ZNF618: variants seen among roughly 807,000 people sequenced by gnomAD.
The protein encoded by ZNF618 is neural precursor cell expressed, developmentally down-regulated 10.
ZNF618 carries 34 observed loss-of-function variants against 103.0 expected under a neutral mutation model. The ratio of observed to expected loss-of-function variants is 0.33; its 90% CI spans 0.25 to 0.44. The LOEUF (loss-of-function observed/expected upper bound fraction) is 0.44, where lower values mean the gene tolerates loss of function less well. Ranked by LOEUF, ZNF618 falls within the 20% of genes least tolerant of loss-of-function variation. ZNF618 has a pLI of 1.00. For missense variants in ZNF618, 1,059 were observed against 1,295.4 expected, an observed-to-expected ratio of 0.82 and a Z score of 2.80; for synonymous variants, 551 against 542.2, an observed-to-expected ratio of 1.02 and a Z score of -0.23.
chr9:113,984,754 A>G (rs1839303063), intron 2 of ZNF618, among the ~76,000 whole-genome samples: 1 of 152,194 alleles, frequency 6.6e-6, no homozygotes, highest in South Asian at 2.1e-4. Context: ...GGCCCTGACC[A>G]TTAGCACCCA....
chr9:113,918,121 C>T (rs188054019), intron 1 of ZNF618, among the ~76,000 whole-genome samples: 5 of 152,210 alleles, frequency 3.3e-5, no homozygotes, highest in East Asian at 1.9e-4. Context: ...GAGTCCCCAC[C>T]GGTTGTTTTA....
chr9:113,894,626 C>G (rs1030779946), intron 1 of ZNF618, among the ~76,000 whole-genome samples: 6 of 152,240 alleles, frequency 3.9e-5, no homozygotes, highest in African/African-American at 1.4e-4. Context: ...CATTCACGCT[C>G]CTTTATATGA....
chr9:113,944,763 TATA>T (rs1368164846), intron 1 of ZNF618, among the ~76,000 whole-genome samples: 3 of 152,252 alleles, frequency 2.0e-5, no homozygotes, highest in African/African-American at 7.2e-5. Context: ...AACATGTAAT[TATA>T]ATAAAAATTC....
At chr9:113,894,973 G>A (rs1008540479) in intron 1 of ZNF618, among the ~76,000 whole-genome samples, 1 of 151,958 alleles carries the variant, frequency 6.6e-6, no homozygotes, top group East Asian at 1.9e-4. Context: ...GGAACAATTT[G>A]AATAATAACA....
At chr9:113,964,972 ATT>A (rs758210380) in intron 1 of ZNF618, among the ~76,000 whole-genome samples, 4 of 126,326 alleles carry the variant, frequency 3.2e-5, no homozygotes, top group Non-Finnish European at 5.0e-5. Flanking sequence ...GAGAGATAGG[ATT>A]TTTTTTTTTT....
In ZNF618 at chr9:114,005,390, C is replaced by T. The variant is rs555674805; in HGVS notation, c.551-1960C>T. On this transcript the variant is annotated intron_variant, in intron 6 of 14. Coordinates refer to ENST00000374126, the MANE Select transcript of ZNF618 (RefSeq NM_001318042.2). ...TTCCTGACTGACGAAGACCTGGGAG[C>T]GGGCTCCCCATCCATGTCAAAGAGA... 2.4e-4 allele frequency among the ~76,000 whole-genome samples: 37 copies of T among 152,328 alleles called. No individual in the cohort carries two copies. In the South Asian group the frequency reaches 5.2e-3, roughly 21 times the overall value.
rs1255550329 is a variant in ZNF618 at position 114,055,661 on chromosome 9, C to T, written c.*5494C>T. 6.8e-6 allele frequency: 1 copy of T among 146,242 alleles called. No individual in the cohort carries two copies. The highest frequency in any genetic ancestry group is 2.0e-4 in the East Asian group (1 of 4,954). 9.1% of individuals were successfully genotyped at this position (146,242 alleles called of 1,614,324 possible). On this transcript the variant is annotated 3_prime_UTR_variant, in exon 15 of 15. Coordinates refer to ENST00000374126, the MANE Select transcript of ZNF618 (RefSeq NM_001318042.2). Reference sequence around the variant, plus strand: ...GACGTTCTAGGCAATACCATAGACACATCTGACTGTGTCTCTCTCTTTGAG... The same window carrying T: ...GACGTTCTAGGCAATACCATAGACATATCTGACTGTGTCTCTCTCTTTGAG...
chr9:113,908,658 G>A (rs1364981602), intron 1 of ZNF618, among the ~76,000 whole-genome samples: 1 of 152,040 alleles, frequency 6.6e-6, no homozygotes, highest in African/African-American at 2.4e-5. Context: ...CCCCTCTCTG[G>A]TTGGCCCCTC....
chr9:113,988,553 G>A lies in ZNF618; in HGVS notation c.310G>A (p.Gly104Ser), dbSNP rs1178355412. ...DVPAEICVVI[G>S]GVRNQQTLDG... ...GCCTGCCGAGATCTGCGTGGTGATC[G>A]GCGGCGTCCGCAACCAGCAGACCCT... The change falls in exon 3 of 15, where the codon GGC becomes AGC. Residue 104 changes from glycine to serine, a missense_variant. By Grantham distance (56) the Gly-to-Ser change is moderately conservative. Transcript: ENST00000374126. 3.1e-6 allele frequency: 5 copies of A among 1,609,780 alleles called. No individual in the cohort carries two copies. Among genetic ancestry groups the A allele is most frequent in the Admixed American group, 3.3e-5 (2 of 59,806 alleles).
intron 10 of ZNF618, among the ~76,000 whole-genome samples, chr9:114,017,983 C>T (rs1280494449): frequency 3.9e-5 from 6 of 152,170 alleles, no homozygotes; most frequent in Admixed American, 3.9e-4. Flanking sequence ...GATTCTCATC[C>T]CTGCTTGCCC....
rs141083247 is a variant in ZNF618 at position 114,029,242 on chromosome 9, T to G, written c.1084+270T>G. Among the ~76,000 whole-genome samples, 45 of 152,278 alleles carry G rather than the reference T, an allele frequency of 3.0e-4. 1 individual carries two copies. The East Asian group carries it at 7.7e-3, about 26-fold the overall frequency. ...TTTTTTTTTTAAGTAGTAGAATATT[T>G]TTTCCCAAATCATGGCCTGAGGGGC... On this transcript the variant is annotated intron_variant, in intron 11 of 14. Transcript: ENST00000374126.
chr9:113,881,328 A>G (rs992848259), intron 1 of ZNF618, among the ~76,000 whole-genome samples: 1 of 152,148 alleles, frequency 6.6e-6, no homozygotes, highest in Non-Finnish European at 1.5e-5. Context: ...TAAATGTGTC[A>G]GGTCAGCGCT....
intron 4 of ZNF618, among the ~76,000 whole-genome samples, chr9:113,998,795 T>G (rs1460110927): frequency 3.0e-4 from 45 of 152,232 alleles, no homozygotes; most frequent in Admixed American, 2.9e-3. Context: ...GTCTCCCTCA[T>G]GCACTCTTGG....
chr9:113,926,660 C>T (rs1249264460), intron 1 of ZNF618, among the ~76,000 whole-genome samples: 2 of 152,102 alleles, frequency 1.3e-5, no homozygotes, highest in Non-Finnish European at 2.9e-5. Context: ...ATATTATCAG[C>T]AGTTCTTGCA....
chr9:113,978,406 GA>G (rs567914868), intron 2 of ZNF618, among the ~76,000 whole-genome samples: 131 of 152,314 alleles, frequency 8.6e-4, no homozygotes, highest in African/African-American at 3.1e-3. Context: ...AGCAGCATTT[GA>G]AAACACATCA....
chr9:114,047,664 TC>T (rs1845776317), intron 13 of ZNF618, among the ~76,000 whole-genome samples: 1 of 152,188 alleles, frequency 6.6e-6, no homozygotes, highest in Non-Finnish European at 1.5e-5. Flanking sequence ...CTCTTGTTAG[TC>T]TTACCAGCAA....
At chr9:113,974,482 A>T (rs969120283) in intron 2 of ZNF618, among the ~76,000 whole-genome samples, 2 of 152,230 alleles carry the variant, frequency 1.3e-5, no homozygotes, top group Admixed American at 6.5e-5. Context: ...ATTTGGTTTT[A>T]AAAGGATCAT....
rs577494091 is a variant in ZNF618, at chr9:113,967,078, G to A, written c.34-2039G>A. ...GTCAACTCTGTGTGAAATTGTGAAG[G>A]AAAAGGACAAAAATGACAACTTTAA... On this transcript the variant is annotated intron_variant, in intron 1 of 14. Transcript: ENST00000374126. 4.1e-4 allele frequency among the ~76,000 whole-genome samples: 63 copies of A among 152,268 alleles called. No homozygotes were observed. The Middle Eastern group carries it at 0.014, about 33-fold the overall frequency.
At chr9:113,983,504 G>C (rs369065105) in intron 2 of ZNF618, among the ~76,000 whole-genome samples, 1 of 152,190 alleles carries the variant, frequency 6.6e-6, no homozygotes, top group African/African-American at 2.4e-5. Context: ...GGTGATAGAG[G>C]GTGGCTCACT....
Sources: allele counts gnomAD v4.1 joint callset (sites outside exome capture counted in the v4.1 genomes callset), GRCh38; gene constraint gnomAD v4.1.1; transcripts MANE v1.5; gene names NCBI Gene and HGNC (gene_info 2026-07-23, HGNC 2026-07-21).